SSBP2: variants seen among roughly 807,000 people sequenced by gnomAD.
SSBP2 encodes the protein single-stranded DNA-binding protein 2.
Under a neutral mutation model 61.8 loss-of-function variants are expected in SSBP2, and 17 were observed. That is an observed-to-expected ratio of 0.28 (90% CI 0.19 to 0.41). The LOEUF is 0.41. Ranked by LOEUF, SSBP2 falls within the 10% of genes least tolerant of loss-of-function variation. SSBP2 has a pLI of 1.00. For missense variants in SSBP2, 310 were observed against 458.7 expected (o/e 0.68, Z 2.96); for synonymous variants, 139 against 141.3 (o/e 0.98, Z 0.12).
intron 4 of SSBP2, among the ~76,000 whole-genome samples, chr5:81,561,782 C>A (rs1773059814): frequency 6.6e-6 from 1 of 152,154 alleles, no homozygotes; most frequent in African/African-American, 2.4e-5. Context: ...CCATCATAAT[C>A]TGCTGAAATT....
chr5:81,444,848 C>A (rs6872789), intron 12 of SSBP2, among the ~76,000 whole-genome samples: 18,483 of 151,506 alleles, frequency 0.12, 2,441 homozygotes, highest in African/African-American at 0.33. Context: ...TATGGCCAGG[C>A]GAGGTGGCTC....
At chr5:81,566,440 C>G (rs1773430530) in intron 4 of SSBP2, among the ~76,000 whole-genome samples, 1 of 152,212 alleles carries the variant, frequency 6.6e-6, no homozygotes, top group South Asian at 2.1e-4. Context: ...TCCTTATTCT[C>G]TCTTTGCCTG....
At chr5:81,468,659 AAGT>A in intron 8 of SSBP2, among the ~76,000 whole-genome samples, 1 of 151,946 alleles carries the variant, frequency 6.6e-6, no homozygotes, top group East Asian at 1.9e-4. Flanking sequence ...CCTGGCCTTT[AAGT>A]AGTAGGTGCT....
rs563989303 is a variant in SSBP2, at chr5:81,663,177, A to G, written c.63-12838T>C. On this transcript the variant is annotated intron_variant, in intron 1 of 16. Coordinates refer to ENST00000320672, the MANE Select transcript of SSBP2 (RefSeq NM_012446.5). Reference sequence around the variant, plus strand: ...TTAAAGGTAAGTTTTCTAAGACAGTATTGTGGATTCACAAACAAGTTTACC... The same window carrying G: ...TTAAAGGTAAGTTTTCTAAGACAGTGTTGTGGATTCACAAACAAGTTTACC... 5.9e-5 allele frequency among the ~76,000 whole-genome samples: 9 copies of G among 152,338 alleles called. No homozygotes were observed. In the South Asian group the frequency reaches 1.9e-3, roughly 32 times the overall value.
At chr5:81,482,232 C>G (rs570073528) in intron 6 of SSBP2, among the ~76,000 whole-genome samples, 2 of 152,140 alleles carry the variant, frequency 1.3e-5, no homozygotes, top group Non-Finnish European at 2.9e-5. Flanking sequence ...ATGTGAGCCA[C>G]GTACCTGGCC....
Position 81,488,060 on chromosome 5 carries a change from A to ATAT in SSBP2, c.432+1189_432+1190insATA, listed in dbSNP as rs1561459590. Among the ~76,000 whole-genome samples, 75 of 56,770 alleles carry ATAT rather than the reference A, an allele frequency of 1.3e-3. 5 individuals carry two copies. The highest frequency in any genetic ancestry group is 4.9e-3 in the South Asian group (7 of 1,420). 37.2% of individuals were successfully genotyped at this position (56,770 alleles called of 152,430 possible). A position where few individuals can be genotyped will look rare whatever the true frequency, so the allele number is the denominator to read the frequency against. On this transcript the variant is annotated intron_variant, in intron 6 of 16. Coordinates refer to ENST00000320672, the MANE Select transcript of SSBP2 (RefSeq NM_012446.5). ...ATATATATATATATATATATATATA[A>ATAT]ATAAAATATCATATATTATATATAT...
chr5:81,477,426 T>C (rs1198845784), intron 6 of SSBP2, among the ~76,000 whole-genome samples: 3 of 152,234 alleles, frequency 2.0e-5, no homozygotes, highest in African/African-American at 4.8e-5. Flanking sequence ...TTATTTTTAG[T>C]GTTCTTCCTT....
Position 81,626,652 on chromosome 5 carries a change from AC to A in SSBP2, c.197+9904del, listed in dbSNP as rs1416787397. On this transcript the variant is annotated intron_variant, in intron 3 of 16. Transcript: ENST00000320672. ...TGTTAGCCTACCTTTGACCCCATGC[AC>A]CAACTCATTTCCTGAATATCCTATG... Among the ~76,000 whole-genome samples, 8 of 152,250 alleles carry A rather than the reference AC, an allele frequency of 5.3e-5. No homozygotes were observed. The East Asian group carries it at 1.4e-3, about 26-fold the overall frequency.
intron 3 of SSBP2, among the ~76,000 whole-genome samples, chr5:81,631,183 G>A (rs1250573771): frequency 6.6e-6 from 1 of 152,184 alleles, no homozygotes; most frequent in African/African-American, 2.4e-5. Context: ...CTTAACTGTA[G>A]TGAACCGTTG....
intron 4 of SSBP2, among the ~76,000 whole-genome samples, chr5:81,523,130 G>A (rs1580911150): frequency 6.6e-6 from 1 of 151,968 alleles, no homozygotes. Flanking sequence ...TTTTCATATG[G>A]AAGCCATGAA....
chr5:81,685,648 T>G (rs898787537), intron 1 of SSBP2, among the ~76,000 whole-genome samples: 2 of 152,182 alleles, frequency 1.3e-5, no homozygotes, highest in African/African-American at 2.4e-5. Flanking sequence ...CTTTTGTTCT[T>G]GCGGTAGGAA....
chr5:81,721,484 C>T (rs575848586), intron 1 of SSBP2, among the ~76,000 whole-genome samples: 2 of 152,208 alleles, frequency 1.3e-5, no homozygotes, highest in South Asian at 2.1e-4. Flanking sequence ...ACTAAGGTTA[C>T]GTTCCAACCA....
At chr5:81,668,190 A>T (rs1283608672) in intron 1 of SSBP2, among the ~76,000 whole-genome samples, 2 of 150,472 alleles carry the variant, frequency 1.3e-5, no homozygotes, top group East Asian at 3.9e-4. Flanking sequence ...ACCAATAAAT[A>T]TAATGCATCA....
At chr5:81,424,354 G>T (rs1761814673) in intron 16 of SSBP2, among the ~76,000 whole-genome samples, 1 of 152,068 alleles carries the variant, frequency 6.6e-6, no homozygotes. Context: ...AACCCAGGAG[G>T]CGGAGGTTGC....
intron 10 of SSBP2, among the ~76,000 whole-genome samples, chr5:81,449,542 ACT>A (rs1177307945): frequency 6.6e-6 from 1 of 152,138 alleles, no homozygotes; most frequent in Non-Finnish European, 1.5e-5. Flanking sequence ...CCAATAGATT[ACT>A]CTCTACTCGA....
chr5:81,457,601 C>T (rs920048787), intron 10 of SSBP2, among the ~76,000 whole-genome samples: 3 of 152,012 alleles, frequency 2.0e-5, no homozygotes, highest in African/African-American at 4.8e-5. Context: ...TCAAAATTAA[C>T]ATCAACAATA....
At chr5:81,633,990 A>G (rs556040291) in intron 3 of SSBP2, among the ~76,000 whole-genome samples, 1 of 152,298 alleles carries the variant, frequency 6.6e-6, no homozygotes, top group South Asian at 2.1e-4. Flanking sequence ...AAGATTGTAA[A>G]CCTAAAATAA....
intron 16 of SSBP2, among the ~76,000 whole-genome samples, chr5:81,423,151 T>C (rs754496711): frequency 1.1e-4 from 16 of 152,228 alleles, no homozygotes; most frequent in Non-Finnish European, 1.9e-4. Context: ...GCTACTGTTA[T>C]TTACAATAAA....
chr5:81,559,916 A>C (rs2153409385), intron 4 of SSBP2, among the ~76,000 whole-genome samples: 1 of 152,298 alleles, frequency 6.6e-6, no homozygotes, highest in East Asian at 1.9e-4. Flanking sequence ...AGTAATCTAA[A>C]ATTATTAAAT....
Sources: gnomAD v4.1 joint callset for allele counts (sites outside exome capture counted in the v4.1 genomes callset) on GRCh38, gnomAD v4.1.1 for gene constraint, MANE v1.5 for transcripts, NCBI Gene and HGNC (gene_info 2026-07-23, HGNC 2026-07-21) for gene names.